ROBO2: variants seen among roughly 807,000 people sequenced by gnomAD.
The protein encoded by ROBO2 is roundabout homolog 2.
In ROBO2, 53 loss-of-function variants were observed where a neutral mutation model predicts 160.8. The observed-to-expected ratio is 0.33, with a 90% CI of 0.26 to 0.41. The LOEUF (loss-of-function observed/expected upper bound fraction) is 0.41, where lower values mean the gene tolerates loss of function less well. ROBO2 is among the 10% of genes least tolerant of loss of function. The pLI, the probability that ROBO2 is intolerant of heterozygous loss-of-function variation, is 1.00. For missense variants in ROBO2, 1,577 were observed against 1,722.4 expected (o/e 0.92, Z 1.49); for synonymous variants, 664 against 611.7 (o/e 1.09, Z -1.26).
intron 2 of ROBO2, among the ~76,000 whole-genome samples, chr3:76,487,741 C>A (rs1341506744): frequency 6.6e-6 from 1 of 152,184 alleles, no homozygotes; most frequent in Non-Finnish European, 1.5e-5. Context: ...GAAAGATCTT[C>A]CTAGTTCCCT....
chr3:77,514,438 C>T (rs1227375115), intron 5 of ROBO2, among the ~76,000 whole-genome samples: 1 of 151,778 alleles, frequency 6.6e-6, no homozygotes, highest in Non-Finnish European at 1.5e-5. Context: ...TAAATACCTA[C>T]TTGCCCAATG....
At chr3:76,724,478 C>T (rs527302901) in intron 2 of ROBO2, among the ~76,000 whole-genome samples, 3 of 152,332 alleles carry the variant, frequency 2.0e-5, no homozygotes, top group South Asian at 4.1e-4. Flanking sequence ...CCATTTAATA[C>T]ACTGCTTACC....
chr3:77,197,793 T>G (rs35734493), intron 2 of ROBO2, among the ~76,000 whole-genome samples: 29,624 of 151,824 alleles, frequency 0.2, 3,272 homozygotes, highest in Middle Eastern at 0.3. Flanking sequence ...AAATGGGAGG[T>G]TATCTCAGGT....
chr3:77,362,651 G>C (rs1249704004), intron 2 of ROBO2, among the ~76,000 whole-genome samples: 3 of 152,110 alleles, frequency 2.0e-5, no homozygotes, highest in Non-Finnish European at 4.4e-5. Context: ...GCCCCAGTGG[G>C]ACTAAATTAG....
At chr3:76,560,933 G>GATATATATAT (rs10581875) in intron 2 of ROBO2, among the ~76,000 whole-genome samples, 7 of 128,162 alleles carry the variant, frequency 5.5e-5, no homozygotes, top group Admixed American at 7.9e-5. Flanking sequence ...TAAGAAGTAA[G>GATATATATAT]ATATATATAT....
chr3:76,729,092 T>C (rs2093595327), intron 2 of ROBO2, among the ~76,000 whole-genome samples: 1 of 152,168 alleles, frequency 6.6e-6, no homozygotes, highest in South Asian at 2.1e-4. Context: ...TTGAGACAGT[T>C]TCAACCCTGA....
At chr3:76,374,327 C>T (rs994891925) in intron 2 of ROBO2, among the ~76,000 whole-genome samples, 2 of 151,920 alleles carry the variant, frequency 1.3e-5, no homozygotes, top group African/African-American at 4.8e-5. Context: ...CCTTTTTCTG[C>T]CTGGGATCTG....
At chr3:76,884,925 T>A (rs1200764580) in intron 2 of ROBO2, among the ~76,000 whole-genome samples, 3 of 151,978 alleles carry the variant, frequency 2.0e-5, no homozygotes, top group Non-Finnish European at 4.4e-5. Context: ...GAGGGTGAAA[T>A]GAAGACACAG....
intron 2 of ROBO2, among the ~76,000 whole-genome samples, chr3:76,372,245 C>T (rs1371810524): frequency 6.6e-6 from 1 of 151,756 alleles, no homozygotes; most frequent in Non-Finnish European, 1.5e-5. Flanking sequence ...TGTGCAGAGT[C>T]TAAGAATATT....
At position 76,813,779 on chromosome 3, in the gene ROBO2, G is replaced by A. The variant is rs80336645; in HGVS notation, c.110-284235G>A. Reference sequence around the variant, plus strand: ...AATTTTTGGCATTTTCTGCATTAGAGATAATTGAAGATGAAAAGGAGAAAT... The same window carrying A: ...AATTTTTGGCATTTTCTGCATTAGAAATAATTGAAGATGAAAAGGAGAAAT... On this transcript the variant is annotated intron_variant, in intron 2 of 26. Transcript: ENST00000487694. 7.2e-3 allele frequency among the ~76,000 whole-genome samples: 1,094 copies of A among 152,148 alleles called. 4 individuals carry two copies. The highest frequency in any genetic ancestry group is 0.013 in the Non-Finnish European group (876 of 67,986).
chr3:76,696,559 C>T (rs2092932792), intron 2 of ROBO2, among the ~76,000 whole-genome samples: 1 of 152,092 alleles, frequency 6.6e-6, no homozygotes, highest in South Asian at 2.1e-4. Context: ...TGTAGCTACC[C>T]ACCTTCTGGG....
At chr3:77,041,822 T>C (rs1230538910) in intron 1 of ROBO2, among the ~76,000 whole-genome samples, 1 of 152,168 alleles carries the variant, frequency 6.6e-6, no homozygotes, top group Non-Finnish European at 1.5e-5. Flanking sequence ...TCTAACTGGA[T>C]TGCAGTACTT....
intron 23 of ROBO2, chr3:77,632,226 T>C (rs904664895): frequency 8.9e-5 from 28 of 313,582 alleles, no homozygotes; most frequent in African/African-American, 8.5e-5. Flanking sequence ...ATTTAAACAA[T>C]GTAAGAGTTG....
intron 2 of ROBO2, among the ~76,000 whole-genome samples, chr3:77,435,198 C>T (rs964543715): frequency 6.6e-6 from 1 of 151,814 alleles, no homozygotes; most frequent in African/African-American, 2.4e-5. Context: ...GGCTAATTTT[C>T]TCTTGAAATT....
At chr3:76,370,264 T>C (rs955393150) in intron 2 of ROBO2, among the ~76,000 whole-genome samples, 1 of 151,938 alleles carries the variant, frequency 6.6e-6, no homozygotes, top group African/African-American at 2.4e-5. Context: ...GAAATTCTAT[T>C]TATTTTCTCT....
chr3:76,196,326 C>T (rs2107217710), intron 2 of ROBO2, among the ~76,000 whole-genome samples: 1 of 152,174 alleles, frequency 6.6e-6, no homozygotes, highest in Admixed American at 6.5e-5. Context: ...ATATAATATC[C>T]ATGACAATAA....
chr3:76,996,295 T>C (rs1224261320), intron 2 of ROBO2, among the ~76,000 whole-genome samples: 2 of 152,206 alleles, frequency 1.3e-5, no homozygotes, highest in Middle Eastern at 3.2e-3. Flanking sequence ...GGCTCTGTTC[T>C]GTCCCATTGG....
chr3:77,228,081 T>C (rs963272220), intron 2 of ROBO2, among the ~76,000 whole-genome samples: 2 of 152,202 alleles, frequency 1.3e-5, no homozygotes, highest in East Asian at 1.9e-4. Context: ...AAGCATACAC[T>C]AAGATGCTTC....
intron 2 of ROBO2, among the ~76,000 whole-genome samples, chr3:77,168,520 A>G (rs2079317760): frequency 6.6e-6 from 1 of 152,146 alleles, no homozygotes; most frequent in Non-Finnish European, 1.5e-5. Context: ...GACCCAGAAA[A>G]TGGAGCTAGC....
Sources: gnomAD v4.1 joint callset for allele counts (sites outside exome capture counted in the v4.1 genomes callset) on GRCh38, gnomAD v4.1.1 for gene constraint, MANE v1.5 for transcripts, NCBI Gene and HGNC (gene_info 2026-07-23, HGNC 2026-07-21) for gene names.